The following FBN2 variants were observed in gnomAD, a reference collection of about 807,000 sequenced individuals.
FBN2 encodes the protein fibrillin-2.
Under a neutral mutation model 355.6 loss-of-function variants are expected in FBN2, and 105 were observed. The observed-to-expected ratio is 0.30, with a 90% CI of 0.25 to 0.35. FBN2 has a LOEUF of 0.35. FBN2 is among the 10% of genes least tolerant of loss of function. The pLI, the probability that FBN2 is intolerant of heterozygous loss-of-function variation, is 1.00. For missense variants in FBN2, 3,280 were observed against 3,758.7 expected, an observed-to-expected ratio of 0.87 and a Z score of 3.33; for synonymous variants, 1,350 against 1,301.2, an observed-to-expected ratio of 1.04 and a Z score of -0.81.
At chr5:128,328,597 G>T in intron 34 of FBN2, 99 bp downstream of exon 34, 1 of 1,240,984 alleles carries the variant, frequency 8.1e-7, no homozygotes, top group Non-Finnish European at 1.2e-6. Flanking sequence ...CATGTGCTAT[G>T]TATTCTGCTT....
At chr5:128,417,065 CT>C (rs1220731899) in intron 7 of FBN2, among the ~76,000 whole-genome samples, 2 of 152,118 alleles carry the variant, frequency 1.3e-5, no homozygotes, top group African/African-American at 4.8e-5. Flanking sequence ...GAAGAATTCA[CT>C]TCCTTAGTTA....
At chr5:128,280,488 T>G (rs1357266761) in intron 55 of FBN2, among the ~76,000 whole-genome samples, 171 bp from the exon 56 acceptor site, 1 of 152,194 alleles carries the variant, frequency 6.6e-6, no homozygotes, top group African/African-American at 2.4e-5. Context: ...TACTTCATCC[T>G]TCTTGGTGGG....
chr5:128,538,216 C>A lies in FBN2; in HGVS notation c.-613G>T. ...GGCGTGCGGCCAGCAAGAGAGAGGG[C>A]GGGAGGCTGGGCGCTGGAGAAGATG... is the stretch of plus-strand genomic sequence containing the variant. On this transcript the variant is annotated 5_prime_UTR_variant, in exon 1 of 65. Transcript: ENST00000262464. 1 of 154,322 alleles carries A rather than the reference C, an allele frequency of 6.5e-6. No homozygotes were observed. Among genetic ancestry groups the A allele is most frequent in the East Asian group, 1.9e-4 (1 of 5,154 alleles). The allele number at this position is 154,322 out of a possible 1,614,324, so 9.6% of individuals were successfully genotyped here.
At chr5:128,333,839 T>TCACACA (rs368334500) in intron 31 of FBN2, among the ~76,000 whole-genome samples, 5,622 of 122,786 alleles carry the variant, frequency 0.046, 149 homozygotes, top group Middle Eastern at 0.083. Context: ...GATGCTGAAA[T>TCACACA]CACACACACA....
intron 20 of FBN2, among the ~76,000 whole-genome samples, chr5:128,352,181 T>G (rs887873861): frequency 6.6e-6 from 1 of 151,830 alleles, no homozygotes; most frequent in African/African-American, 2.4e-5. Flanking sequence ...AGGGCTAATA[T>G]CTGATGTATT....
At chr5:128,297,671 T>C (rs1463764650) in intron 48 of FBN2, among the ~76,000 whole-genome samples, 4 of 152,182 alleles carry the variant, frequency 2.6e-5, no homozygotes, top group South Asian at 2.1e-4. Context: ...CTGCCTTTTT[T>C]TGTTTTCCAT....
At chr5:128,467,098 C>T (rs1754734151) in intron 5 of FBN2, among the ~76,000 whole-genome samples, 1 of 152,096 alleles carries the variant, frequency 6.6e-6, no homozygotes, top group African/African-American at 2.4e-5. Flanking sequence ...TCCCTCATAA[C>T]CAAATTCATA....
chr5:128,397,072 C>T (rs1292721311), intron 8 of FBN2, among the ~76,000 whole-genome samples: 1 of 152,094 alleles, frequency 6.6e-6, no homozygotes, highest in Non-Finnish European at 1.5e-5. Context: ...TTCTATTTCT[C>T]CCCAAAATCC....
Position 128,278,704 on chromosome 5 carries a change from G to A in FBN2, c.7276C>T (p.Pro2426Ser). 1 of 1,614,094 alleles carries A rather than the reference G, an allele frequency of 6.2e-7. No individual in the cohort carries two copies. Among genetic ancestry groups the A allele is most frequent in the Non-Finnish European group, 8.5e-7 (1 of 1,179,992 alleles). Residue 2426 changes from proline (P) to serine (S), a missense_variant, in exon 57 of 65, where the codon CCA becomes TCA. This residue lies in a region of FBN2 where 2,284 missense variants were observed against 2,749.5 expected (regional missense o/e 0.83). Transcript: ENST00000262464. The part of the protein sequence containing the change: ...RGWGHQCELC[P>S]LPGTAQYKKI... The stretch of plus-strand genomic sequence containing the variant: ...TTGTACTGGGCAGTTCCAGGAAGTG[G>A]GCAAAGCTCGCACTGGTGGCCCCAG...
intron 62 of FBN2, among the ~76,000 whole-genome samples, chr5:128,264,151 T>A (rs1390409199): frequency 1.3e-5 from 2 of 152,326 alleles, no homozygotes; most frequent in East Asian, 3.9e-4. Flanking sequence ...AAAACCCATT[T>A]ACATGTACAC....
chr5:128,446,259 T>C (rs1482395011), intron 7 of FBN2: 2 of 450,596 alleles, frequency 4.4e-6, no homozygotes, highest in Non-Finnish European at 8.2e-6. Context: ...GCAACACAAC[T>C]GAGATAACAA....
intron 5 of FBN2, among the ~76,000 whole-genome samples, chr5:128,506,379 C>T (rs1465814725): frequency 6.6e-6 from 1 of 152,100 alleles, no homozygotes; most frequent in East Asian, 1.9e-4. Flanking sequence ...ACATGGGCTT[C>T]TGCATCTTTT....
Position 128,494,251 on chromosome 5 carries a change from T to A in FBN2, c.628+25022A>T, listed in dbSNP as rs117568743. ...AGGCAGGCCCATAAGAAGAAAGACC[T>A]CTGAAACTCTTTCCAAAGGAACTGA... On this transcript the variant is annotated intron_variant, in intron 5 of 64. Coordinates refer to ENST00000262464, the MANE Select transcript of FBN2 (RefSeq NM_001999.4). Among the ~76,000 whole-genome samples, 52 of 152,182 alleles carry A rather than the reference T, an allele frequency of 3.4e-4. No individual in the cohort carries two copies. The East Asian group carries it at 8.7e-3, about 25-fold the overall frequency.
intron 8 of FBN2, among the ~76,000 whole-genome samples, chr5:128,400,533 A>G (rs1440204797): frequency 6.6e-6 from 1 of 152,188 alleles, no homozygotes; most frequent in African/African-American, 2.4e-5. Flanking sequence ...GGATATATCT[A>G]CAATCTGGCA....
chr5:128,274,243 T>C (rs1347569115), intron 60 of FBN2, among the ~76,000 whole-genome samples: 1 of 152,222 alleles, frequency 6.6e-6, no homozygotes, highest in Non-Finnish European at 1.5e-5. Context: ...AAAAGCTCAA[T>C]ATGTTTGTTA....
chr5:128,302,878 A>G (rs1294210572), intron 46 of FBN2, 95 bp downstream of exon 46: 2 of 791,790 alleles, frequency 2.5e-6, no homozygotes, highest in Non-Finnish European at 4.5e-6. Context: ...AATTTTAGTA[A>G]TATAATTTTT....
At chr5:128,437,148 G>C (rs1460231209) in intron 7 of FBN2, among the ~76,000 whole-genome samples, 2 of 152,186 alleles carry the variant, frequency 1.3e-5, no homozygotes, top group Non-Finnish European at 2.9e-5. Context: ...CTACTTTGAA[G>C]AAGATACCTG....
chr5:128,347,160 A>C (rs1000344348), intron 23 of FBN2, among the ~76,000 whole-genome samples: 7 of 152,208 alleles, frequency 4.6e-5, no homozygotes, highest in Admixed American at 4.6e-4. Flanking sequence ...TTACTGAAGA[A>C]ACCTGCTCAA....
rs1415131114 is a variant in FBN2, at chr5:128,408,809, GGAA to G, written c.953-13_953-11del. The stretch of plus-strand genomic sequence containing the variant: ...CTGCACTCATCAATGTCTAATCAAG[GGAA>G]GAAGGAGAAGATGATTGAGAAAGGC... On this transcript the variant is annotated splice_polypyrimidine_tract_variant and intron_variant, in intron 7 of 64. Transcript: ENST00000262464. 1.2e-6 allele frequency: 2 copies of G among 1,613,754 alleles called. No homozygotes were observed. The highest frequency in any genetic ancestry group is 1.7e-4 in the Middle Eastern group (1 of 6,056).
Sources: gnomAD v4.1 joint callset for allele counts (sites outside exome capture counted in the v4.1 genomes callset) on GRCh38, gnomAD v4.1.1 for gene constraint, gnomAD v4.1.1 regional missense constraint, MANE v1.5 for transcripts, NCBI Gene and HGNC (gene_info 2026-07-23, HGNC 2026-07-21) for gene names.